Variants in PPP1R12B observed in about 807,000 individuals in gnomAD.
PPP1R12B encodes the protein myosin phosphatase target subunit 2.
PPP1R12B carries 76 observed loss-of-function variants against 126.1 expected under a neutral mutation model. That is an observed-to-expected ratio of 0.60 (90% CI 0.50 to 0.73). The LOEUF is 0.73. PPP1R12B is among the 30% of genes least tolerant of loss of function. PPP1R12B has a pLI of 0.00. For missense variants in PPP1R12B, 1,052 were observed against 1,205.1 expected (o/e 0.87, Z 1.88); for synonymous variants, 356 against 434.7 (o/e 0.82, Z 2.25).
At chr1:202,485,610 C>T (rs1678007197) in intron 13 of PPP1R12B, among the ~76,000 whole-genome samples, 1 of 152,140 alleles carries the variant, frequency 6.6e-6, no homozygotes, top group South Asian at 2.1e-4. Context: ...CCCCCTCTGG[C>T]TCCAGGCTGA....
chr1:202,562,786 C>T lies in PPP1R12B; in HGVS notation c.2516C>T (p.Ser839Leu), dbSNP rs760332369. The change falls in exon 20 of 24, where the codon TCG becomes TTG. Residue 839 changes from serine (S) to leucine (L), a missense_variant. By Grantham distance (145) the Ser-to-Leu change is moderately radical. Transcript: ENST00000608999. Reference sequence around the variant, plus strand: ...AATATTATCTCCCACAGGTTGGAATCGGGAGGTAGTAATCCTACAACCAGT... The same window carrying T: ...AATATTATCTCCCACAGGTTGGAATTGGGAGGTAGTAATCCTACAACCAGT... ...TWHERLSRLE[S>L]GGSNPTTSDS... The T allele has an allele frequency of 4.3e-6, 7 of 1,610,862 alleles. No individual in the cohort carries two copies. The South Asian group carries it at 4.4e-5, about 10-fold the overall frequency.
intron 1 of PPP1R12B, among the ~76,000 whole-genome samples, chr1:202,395,456 AT>A (rs1470608045): frequency 1.3e-5 from 2 of 152,054 alleles, no homozygotes; most frequent in African/African-American, 4.8e-5. Flanking sequence ...TCTCCATCTC[AT>A]TTTGCTATCA....
In PPP1R12B at chr1:202,466,115, C is replaced by T. The variant is rs565889099; in HGVS notation, c.1850+16944C>T. 2.6e-5 allele frequency among the ~76,000 whole-genome samples: 4 copies of T among 152,234 alleles called. No individual in the cohort carries two copies. The South Asian group carries it at 8.3e-4, about 32-fold the overall frequency. On this transcript the variant is annotated intron_variant, in intron 13 of 23. Transcript: ENST00000608999. ...TTCACCTTTGACCCTGCACTGCTCT[C>T]TAGGGTTACCATGTCTCACTCTTCC...
intron 1 of PPP1R12B, among the ~76,000 whole-genome samples, chr1:202,365,887 G>C (rs1433307323): frequency 6.6e-6 from 1 of 152,200 alleles, no homozygotes; most frequent in East Asian, 1.9e-4. Context: ...CTACTCAGGA[G>C]GCTAAGGCGG....
rs1690140414 is a variant in PPP1R12B at position 202,592,113 on chromosome 1, A to C, written c.*11553A>C. ...TCCTGGGAGGAGCCAAGGGAGGCCA[A>C]ATCTCCAGCAGGAGGCCCCCTTTAT... On this transcript the variant is annotated 3_prime_UTR_variant, in exon 24 of 24. Coordinates refer to ENST00000608999, the MANE Select transcript of PPP1R12B (RefSeq NM_002481.4). 6.5e-6 allele frequency: 1 copy of C among 152,832 alleles called. No homozygotes were observed. The highest frequency in any genetic ancestry group is 6.5e-5 in the Admixed American group (1 of 15,288). 9.5% of individuals were successfully genotyped at this position (152,832 alleles called of 1,614,324 possible).
chr1:202,553,889 CT>C (rs1433890892), intron 18 of PPP1R12B, among the ~76,000 whole-genome samples: 1 of 152,150 alleles, frequency 6.6e-6, no homozygotes, highest in African/African-American at 2.4e-5. Flanking sequence ...AACTCCCACT[CT>C]GTCTTATCTC....
At chr1:202,568,169 T>TACACACACACACAC (rs112151278) in intron 22 of PPP1R12B, among the ~76,000 whole-genome samples, 15 of 147,360 alleles carry the variant, frequency 1.0e-4, no homozygotes, top group African/African-American at 3.8e-4. Context: ...AATCATTGCA[T>TACACACACACACAC]ACACACACAC....
intron 1 of PPP1R12B, among the ~76,000 whole-genome samples, chr1:202,413,283 T>C (rs2148606034): frequency 6.6e-6 from 1 of 152,330 alleles, no homozygotes; most frequent in South Asian, 2.1e-4. Context: ...AATTTTCGTC[T>C]AAATGAAATC....
intron 1 of PPP1R12B, among the ~76,000 whole-genome samples, chr1:202,368,354 C>T (rs557468794): frequency 9.8e-5 from 15 of 152,324 alleles, no homozygotes; most frequent in Admixed American, 2.0e-4. Flanking sequence ...TGCTCCGCTT[C>T]GCCCTCCACT....
intron 12 of PPP1R12B, among the ~76,000 whole-genome samples, chr1:202,446,254 A>T (rs2362280): frequency 0.069 from 3,244 of 46,968 alleles, 197 homozygotes; most frequent in African/African-American, 0.18. Flanking sequence ...ATATATATAT[A>T]TATTTTTTTT....
intron 1 of PPP1R12B, among the ~76,000 whole-genome samples, chr1:202,404,692 G>C (rs546897272): frequency 1.3e-5 from 2 of 151,960 alleles, no homozygotes; most frequent in Non-Finnish European, 2.9e-5. Flanking sequence ...TAGTAGAGAC[G>C]GGGTTTCACT....
intron 1 of PPP1R12B, among the ~76,000 whole-genome samples, chr1:202,378,992 C>A (rs1460178622): frequency 6.6e-6 from 1 of 152,156 alleles, no homozygotes; most frequent in Non-Finnish European, 1.5e-5. Flanking sequence ...TCTCTATATT[C>A]TTTCGTCTTT....
Position 202,372,926 on chromosome 1 carries a change from C to A in PPP1R12B, c.291+23784C>A, listed in dbSNP as rs1660543723. On this transcript the variant is annotated intron_variant, in intron 1 of 23. Coordinates refer to ENST00000608999, the MANE Select transcript of PPP1R12B (RefSeq NM_002481.4). ...CAGTTATATATTAGCATCTGTTAAT[C>A]CTGATGATAATTTCTTTTTTTTTTG... Among the ~76,000 whole-genome samples the A allele has an allele frequency of 2.0e-5, 3 of 151,996 alleles. No homozygotes were observed. In the South Asian group the frequency reaches 6.2e-4, roughly 32 times the overall value.
intron 21 of PPP1R12B, chr1:202,567,481 C>A (rs1688165170): frequency 2.9e-6 from 1 of 341,840 alleles, no homozygotes; most frequent in Non-Finnish European, 5.3e-6. Flanking sequence ...GCATTGAAGA[C>A]CTGTGGAGAG....
chr1:202,360,535 C>A (rs1055144680), intron 1 of PPP1R12B, among the ~76,000 whole-genome samples: 1 of 151,826 alleles, frequency 6.6e-6, no homozygotes, highest in African/African-American at 2.4e-5. Context: ...ATGGTGAAAC[C>A]CTGTTTCTAC....
At chr1:202,575,290 C>A in intron 23 of PPP1R12B, 1 of 1,156,032 alleles carries the variant, frequency 8.7e-7, no homozygotes, top group Non-Finnish European at 1.2e-6. Context: ...ATGGAAGCAG[C>A]CAGGACTGAG....
At position 202,580,509 on chromosome 1, in the gene PPP1R12B, G is replaced by C; in HGVS notation, c.2898G>C (p.Leu966=). Residue 966 remains leucine (L), a synonymous_variant, in exon 24 of 24, where the codon CTG becomes CTC. Transcript: ENST00000608999. ...AACTGAAATCCGACAACCAGAGGCT[G>C]AAAGATGAAAATGGTGCCCTCATCA... ...LTELKSDNQR[L]KDENGALIRV... 2 of 1,614,072 alleles carry C rather than the reference G, an allele frequency of 1.2e-6. No homozygotes were observed. The highest frequency in any genetic ancestry group is 1.7e-6 in the Non-Finnish European group (2 of 1,179,942).
chr1:202,444,799 T>C (rs569320681), intron 12 of PPP1R12B, among the ~76,000 whole-genome samples: 92 of 152,216 alleles, frequency 6.0e-4, no homozygotes, highest in Non-Finnish European at 7.2e-4. Flanking sequence ...GTTCCTTCAC[T>C]CTTTTGGATG....
chr1:202,578,409 C>T (rs1460619622), intron 23 of PPP1R12B, among the ~76,000 whole-genome samples: 1 of 152,142 alleles, frequency 6.6e-6, no homozygotes, highest in Non-Finnish European at 1.5e-5. Context: ...AGATTGAACA[C>T]GGAAACATGA....
Sources: allele counts gnomAD v4.1 joint callset (sites outside exome capture counted in the v4.1 genomes callset), GRCh38; gene constraint gnomAD v4.1.1; transcripts MANE v1.5; gene names NCBI Gene and HGNC (gene_info 2026-07-23, HGNC 2026-07-21).